Variants in MAGI1 observed in about 807,000 individuals in gnomAD.
MAGI1 encodes membrane associated guanylate kinase, WW and PDZ domain containing 1.
In MAGI1, 58 loss-of-function variants were observed where a neutral mutation model predicts 139.9. The ratio of observed to expected loss-of-function variants is 0.41; its 90% CI spans 0.34 to 0.52. The LOEUF is 0.52. Among genes scored for constraint, MAGI1 ranks in the 20% least tolerant of loss-of-function variants. The pLI, the probability that MAGI1 is intolerant of heterozygous loss-of-function variation, is 0.12. For missense variants in MAGI1, 1,874 were observed against 1,901.6 expected (o/e 0.99, Z 0.27); for synonymous variants, 812 against 737.9 (o/e 1.10, Z -1.63).
chr3:65,997,835 G>A (rs9874187), intron 1 of MAGI1, among the ~76,000 whole-genome samples: 1,702 of 152,102 alleles, frequency 0.011, 30 homozygotes, highest in African/African-American at 0.038. Context: ...AGGACTGTTC[G>A]CCAACTCTAG....
At chr3:66,033,082 G>A (rs2095295597) in intron 1 of MAGI1, among the ~76,000 whole-genome samples, 1 of 151,838 alleles carries the variant, frequency 6.6e-6, no homozygotes, top group African/African-American at 2.4e-5. Flanking sequence ...AGGCTGGAGT[G>A]CAGTGGTACA....
At chr3:65,674,334 C>T (rs757477404) in intron 1 of MAGI1, among the ~76,000 whole-genome samples, 7 of 152,130 alleles carry the variant, frequency 4.6e-5, no homozygotes, top group Non-Finnish European at 1.0e-4. Flanking sequence ...AGATTCTTGC[C>T]AAAGCTGAAG....
intron 12 of MAGI1, among the ~76,000 whole-genome samples, chr3:65,405,090 A>G (rs1945228697): frequency 6.6e-6 from 1 of 152,200 alleles, no homozygotes; most frequent in Non-Finnish European, 1.5e-5. Flanking sequence ...AGGGCCTTAG[A>G]AGGCAGCAAA....
In MAGI1 at chr3:65,560,193, T is replaced by C. The variant is rs2080279660; in HGVS notation, c.430+61779A>G. Among the ~76,000 whole-genome samples, 4 of 152,246 alleles carry C rather than the reference T, an allele frequency of 2.6e-5. No homozygotes were observed. The South Asian group carries it at 8.3e-4, about 31-fold the overall frequency. ...AATATATAGGGGATTCCCTGGTACA[T>C]ATCAGTGTTGATTTTCTATCACTTT... On this transcript the variant is annotated intron_variant, in intron 2 of 22. Transcript: ENST00000402939.
intron 1 of MAGI1, among the ~76,000 whole-genome samples, chr3:65,891,713 A>C (rs2060755449): frequency 9.5e-6 from 1 of 105,344 alleles, no homozygotes; most frequent in African/African-American, 3.7e-5. Context: ...ACTGGGATAC[A>C]AACCCCTGTT....
At chr3:65,417,036 G>C (rs1367182624) in intron 12 of MAGI1, among the ~76,000 whole-genome samples, 1 of 152,108 alleles carries the variant, frequency 6.6e-6, no homozygotes, top group African/African-American at 2.4e-5. Context: ...TTTACACATG[G>C]TAAACTCTGT....
chr3:65,718,761 A>G (rs1215754871), intron 1 of MAGI1: 1 of 152,146 alleles, frequency 6.6e-6, no homozygotes, highest in Non-Finnish European at 1.5e-5. Flanking sequence ...TTTCATATGA[A>G]TCTCCCAGAA....
chr3:66,006,468 GGTATATAT>G (rs1452827429), intron 1 of MAGI1, among the ~76,000 whole-genome samples: 1 of 152,118 alleles, frequency 6.6e-6, no homozygotes, highest in African/African-American at 2.4e-5. Flanking sequence ...TTTATGTGTA[GGTATATAT>G]GTATATATGT....
At chr3:65,405,556 C>T (rs929068972) in intron 12 of MAGI1, among the ~76,000 whole-genome samples, 2 of 151,988 alleles carry the variant, frequency 1.3e-5, no homozygotes, top group African/African-American at 4.8e-5. Flanking sequence ...TAAATACACA[C>T]ATACATATCC....
intron 2 of MAGI1, among the ~76,000 whole-genome samples, chr3:65,503,791 T>C (rs1387213088): frequency 1.3e-5 from 2 of 152,190 alleles, no homozygotes; most frequent in African/African-American, 2.4e-5. Flanking sequence ...TGATCTGGTT[T>C]TCATGATCCT....
chr3:65,975,705 T>C (rs1268831614), intron 1 of MAGI1, among the ~76,000 whole-genome samples: 2 of 152,156 alleles, frequency 1.3e-5, no homozygotes, highest in East Asian at 3.8e-4. Flanking sequence ...CACCAAATCT[T>C]TACACTGATT....
At chr3:65,737,201 C>T (rs2034833992) in intron 1 of MAGI1, among the ~76,000 whole-genome samples, 1 of 152,144 alleles carries the variant, frequency 6.6e-6, no homozygotes, top group African/African-American at 2.4e-5. Context: ...GACGGGGTTT[C>T]ACCGTGTTAT....
chr3:66,007,744 G>A lies in MAGI1; in HGVS notation c.313+30252C>T, dbSNP rs532815521. ...AGACAACAAGGAACATAGCTCATAA[G>A]TGAGATGAGCCCTAGTACAGCAATA... On this transcript the variant is annotated intron_variant, in intron 1 of 22. Coordinates refer to ENST00000402939, the MANE Select transcript of MAGI1 (RefSeq NM_001033057.2). 5.1e-4 allele frequency among the ~76,000 whole-genome samples: 78 copies of A among 152,264 alleles called. 1 individual carries two copies. The Middle Eastern group carries it at 0.014, about 27-fold the overall frequency.
chr3:65,858,689 T>C (rs2059446670), intron 1 of MAGI1, among the ~76,000 whole-genome samples: 1 of 152,216 alleles, frequency 6.6e-6, no homozygotes, highest in South Asian at 2.1e-4. Context: ...TCTTTGCTTT[T>C]TAAAACCACC....
rs1175063596 is a variant in MAGI1, at chr3:66,038,549, C to A, written c.-241G>T. 8.0e-6 allele frequency: 4 copies of A among 502,450 alleles called. No individual in the cohort carries two copies. The highest frequency in any genetic ancestry group is 3.8e-5 in the Admixed American group (1 of 26,018). 31.1% of individuals were successfully genotyped at this position (502,450 alleles called of 1,614,324 possible). On this transcript the variant is annotated 5_prime_UTR_variant, in exon 1 of 23. Coordinates refer to ENST00000402939, the MANE Select transcript of MAGI1 (RefSeq NM_001033057.2). Reference sequence around the variant, plus strand: ...GCGCCCGCGAGCTTTGTTTGCATTCCGGTGCCTCTGGGTCCACGTTCCGGC... The same window carrying A: ...GCGCCCGCGAGCTTTGTTTGCATTCAGGTGCCTCTGGGTCCACGTTCCGGC...
chr3:65,896,972 CA>C lies in MAGI1; in HGVS notation c.313+141023del, dbSNP rs111941475. Among the ~76,000 whole-genome samples the C allele has an allele frequency of 3.9e-3, 596 of 152,128 alleles. 8 individuals carry two copies. The highest frequency in any genetic ancestry group is 0.014 in the African/African-American group (567 of 41,484). ...TGGTTCCCAGGATCCCCTTGGATAC[CA>C]AAAATCCACAGATGCTCACATCTCT... On this transcript the variant is annotated intron_variant, in intron 1 of 22. Transcript: ENST00000402939.
At chr3:65,795,103 A>G (rs1356656567) in intron 1 of MAGI1, among the ~76,000 whole-genome samples, 3 of 152,182 alleles carry the variant, frequency 2.0e-5, no homozygotes, top group African/African-American at 4.8e-5. Context: ...TTATAAAACT[A>G]AACAGGTGAC....
intron 17 of MAGI1, 126 bp from the exon 18 acceptor site, chr3:65,376,071 A>G: frequency 1.4e-6 from 1 of 691,734 alleles, no homozygotes; most frequent in Non-Finnish European, 2.4e-6. Flanking sequence ...AGCAAATGTT[A>G]TTAAAGGAGA....
intron 1 of MAGI1, among the ~76,000 whole-genome samples, chr3:65,811,575 C>G (rs2041235659): frequency 6.6e-6 from 1 of 152,130 alleles, no homozygotes; most frequent in African/African-American, 2.4e-5. Context: ...GCTAGTCAGT[C>G]TCTGTGGGTT....
Sources: allele counts gnomAD v4.1 joint callset (sites outside exome capture counted in the v4.1 genomes callset), GRCh38; gene constraint gnomAD v4.1.1; transcripts MANE v1.5; gene names NCBI Gene and HGNC (gene_info 2026-07-23, HGNC 2026-07-21).